The following TBC1D8 variants were observed in gnomAD, a reference collection of about 807,000 sequenced individuals.
TBC1D8 encodes TBC1 domain family member 8, also known as BUB2-like protein 1.
A neutral mutation model predicts 118.8 loss-of-function variants in TBC1D8; 65 were observed. That is an observed-to-expected ratio of 0.55 (90% CI 0.45 to 0.67). TBC1D8 has a LOEUF of 0.67. TBC1D8 is among the 30% of genes least tolerant of loss of function. The pLI is 0.00. For missense variants in TBC1D8, 1,376 were observed against 1,471.2 expected, an observed-to-expected ratio of 0.94 and a Z score of 1.06; for synonymous variants, 566 against 595.8, an observed-to-expected ratio of 0.95 and a Z score of 0.73.
intron 2 of TBC1D8, 49 bp downstream of exon 2, chr2:101,090,160 C>T (rs1234560168): frequency 1.3e-6 from 2 of 1,565,928 alleles, no homozygotes; most frequent in South Asian, 1.2e-5. Context: ...AGATACTCAG[C>T]ATGCTTACAC....
At chr2:101,104,885 G>T (rs924876518) in intron 1 of TBC1D8, among the ~76,000 whole-genome samples, 1 of 152,026 alleles carries the variant, frequency 6.6e-6, no homozygotes, top group Non-Finnish European at 1.5e-5. Flanking sequence ...ATGGTGGCAT[G>T]CGCCTGTAAT....
chr2:101,090,469 A>G (rs954030642), intron 1 of TBC1D8, 105 bp from the exon 2 acceptor site: 13 of 1,254,660 alleles, frequency 1.0e-5, no homozygotes, highest in Non-Finnish European at 7.8e-6. Context: ...CTGGGGTAGC[A>G]GAGACAGTTT....
At chr2:101,106,384 G>T (rs1273586790) in intron 1 of TBC1D8, among the ~76,000 whole-genome samples, 1 of 152,194 alleles carries the variant, frequency 6.6e-6, no homozygotes, top group East Asian at 1.9e-4. Flanking sequence ...CCTTTAGGAG[G>T]TCAGGGACCC....
intron 7 of TBC1D8, among the ~76,000 whole-genome samples, chr2:101,037,945 T>C (rs1681128897): frequency 6.6e-6 from 1 of 152,052 alleles, no homozygotes; most frequent in Admixed American, 6.5e-5. Flanking sequence ...TCTGGGTCCA[T>C]ATGCAGTTCC....
intron 1 of TBC1D8, among the ~76,000 whole-genome samples, chr2:101,093,129 C>A (rs546523457): frequency 1.4e-3 from 210 of 152,228 alleles, no homozygotes; most frequent in African/African-American, 4.9e-3. Flanking sequence ...TTAACCTTTT[C>A]TCTACTTTCT....
intron 1 of TBC1D8, among the ~76,000 whole-genome samples, chr2:101,096,792 A>AGG (rs1044090074): frequency 0.02 from 2,573 of 126,898 alleles, 89 homozygotes; most frequent in African/African-American, 0.071. Context: ...AGTGAGAGAG[A>AGG]GGGGGAGAGA....
At chr2:101,118,461 C>A (rs1270283304) in intron 1 of TBC1D8, among the ~76,000 whole-genome samples, 1 of 151,972 alleles carries the variant, frequency 6.6e-6, no homozygotes, top group Non-Finnish European at 1.5e-5. Flanking sequence ...CTTTGGGAGG[C>A]CAAGGCGGGT....
At chr2:101,142,370 C>T (rs1481213648) in intron 1 of TBC1D8, among the ~76,000 whole-genome samples, 1 of 152,100 alleles carries the variant, frequency 6.6e-6, no homozygotes, top group African/African-American at 2.4e-5. Context: ...GTGTTTGTTA[C>T]TGCAGCATAA....
At chr2:101,029,993 A>G (rs1680576685) in intron 11 of TBC1D8, 1 of 486,008 alleles carries the variant, frequency 2.1e-6, no homozygotes, top group Admixed American at 3.6e-5. Context: ...ATCAGCTGGA[A>G]AGTGGCATGG....
At position 101,009,825 on chromosome 2, in the gene TBC1D8, TTC is replaced by T. The variant is rs1491144667; in HGVS notation, c.3015+1102_3015+1103del. Among the ~76,000 whole-genome samples, 102 of 139,886 alleles carry T rather than the reference TTC, an allele frequency of 7.3e-4. 4 individuals carry two copies. Among genetic ancestry groups the T allele is most frequent in the East Asian group, 1.4e-3 (7 of 4,948 alleles). 91.8% of individuals were successfully genotyped at this position (139,886 alleles called of 152,430 possible). On this transcript the variant is annotated intron_variant, in intron 19 of 19. Coordinates refer to ENST00000409318, the MANE Select transcript of TBC1D8 (RefSeq NM_001330348.2). ...TTAAGTCCTATAAAAAAGGAGCTTT[TTC>T]TTTTTTTTTTTTGAGATGGAGTCTC...
Position 101,054,130 on chromosome 2 carries a change from G to A in TBC1D8, c.609C>T (p.Tyr203=). Reference sequence around the variant, plus strand: ...TACGTTCCTTGCCCAGGAAGAAGGAGTAGAAGCAGAGGTGGTTGATGCTGA... The same window carrying A: ...TACGTTCCTTGCCCAGGAAGAAGGAATAGAAGCAGAGGTGGTTGATGCTGA... ...LYLSINHLCF[Y]SFFLGKELKL... Residue 203 remains tyrosine, a synonymous_variant, in exon 4 of 20, where the codon TAC becomes TAT. Coordinates refer to ENST00000409318, the MANE Select transcript of TBC1D8 (RefSeq NM_001330348.2). The A allele has an allele frequency of 1.2e-6, 2 of 1,612,846 alleles. No homozygotes were observed. Among genetic ancestry groups the A allele is most frequent in the South Asian group, 1.1e-5 (1 of 90,778 alleles).
intron 1 of TBC1D8, among the ~76,000 whole-genome samples, chr2:101,150,021 C>T (rs1480880064): frequency 6.6e-6 from 1 of 152,226 alleles, no homozygotes; most frequent in Non-Finnish European, 1.5e-5. Flanking sequence ...CCCACCCACT[C>T]ACCCGGTCTC....
intron 2 of TBC1D8, among the ~76,000 whole-genome samples, chr2:101,081,315 C>A (rs1675247929): frequency 6.6e-6 from 1 of 152,190 alleles, no homozygotes; most frequent in South Asian, 2.1e-4. Context: ...AAGGTGGTCT[C>A]CTGACCCTCC....
At chr2:101,127,464 G>T (rs1266096313) in intron 1 of TBC1D8, among the ~76,000 whole-genome samples, 2 of 152,144 alleles carry the variant, frequency 1.3e-5, no homozygotes, top group African/African-American at 4.8e-5. Flanking sequence ...GAGGAGATGG[G>T]TCTACCACGT....
chr2:101,011,910 A>G (rs1679245221), intron 17 of TBC1D8, among the ~76,000 whole-genome samples: 1 of 152,216 alleles, frequency 6.6e-6, no homozygotes, highest in African/African-American at 2.4e-5. Flanking sequence ...AATACACTAA[A>G]TCTCTGGGTG....
chr2:101,026,501 G>A (rs889215416), intron 15 of TBC1D8, among the ~76,000 whole-genome samples: 1 of 152,192 alleles, frequency 6.6e-6, no homozygotes. Flanking sequence ...ACTGACTGCG[G>A]GGAAAGGCCT....
intron 15 of TBC1D8, among the ~76,000 whole-genome samples, chr2:101,026,077 T>C (rs1479241461): frequency 2.6e-5 from 4 of 152,222 alleles, no homozygotes; most frequent in African/African-American, 4.8e-5. Context: ...ACATGAACGA[T>C]GTGGCTGGTA....
At chr2:101,105,358 C>G (rs1047552544) in intron 1 of TBC1D8, among the ~76,000 whole-genome samples, 1 of 152,026 alleles carries the variant, frequency 6.6e-6, no homozygotes, top group Non-Finnish European at 1.5e-5. Context: ...AGAAGATATA[C>G]AGATGACAAA....
In TBC1D8 at chr2:101,125,708, G is replaced by A. The variant is rs530274245; in HGVS notation, c.127+25419C>T. 3.3e-5 allele frequency among the ~76,000 whole-genome samples: 5 copies of A among 152,290 alleles called. No homozygotes were observed. In the South Asian group the frequency reaches 1.0e-3, roughly 32 times the overall value. On this transcript the variant is annotated intron_variant, in intron 1 of 19. Coordinates refer to ENST00000409318, the MANE Select transcript of TBC1D8 (RefSeq NM_001330348.2). Reference sequence around the variant, plus strand: ...GATGAGGTATAGACGCACCTTTATGGTGCAGCAATACAATGTAGAGCCCAG... The same window carrying A: ...GATGAGGTATAGACGCACCTTTATGATGCAGCAATACAATGTAGAGCCCAG...
Sources: gnomAD v4.1 joint callset for allele counts (sites outside exome capture counted in the v4.1 genomes callset) on GRCh38, gnomAD v4.1.1 for gene constraint, MANE v1.5 for transcripts, NCBI Gene and HGNC (gene_info 2026-07-23, HGNC 2026-07-21) for gene names.